The following SLIT3 variants were observed in gnomAD, a reference collection of about 807,000 sequenced individuals.
SLIT3 encodes the protein slit guidance ligand 3.
Under a neutral mutation model 184.0 loss-of-function variants are expected in SLIT3, and 68 were observed. The ratio of observed to expected loss-of-function variants is 0.37; its 90% CI spans 0.30 to 0.45. The LOEUF (loss-of-function observed/expected upper bound fraction) is 0.45, where lower values mean the gene tolerates loss of function less well. Ranked by LOEUF, SLIT3 falls within the 20% of genes least tolerant of loss-of-function variation. The pLI is 1.00. For synonymous variants in SLIT3, 831 were observed against 828.6 expected (o/e 1.00, Z -0.05); for missense variants, 1,707 against 2,026.0 (o/e 0.84, Z 3.02).
At chr5:168,822,154 T>C (rs368743989) in intron 7 of SLIT3, among the ~76,000 whole-genome samples, 1 of 152,206 alleles carries the variant, frequency 6.6e-6, no homozygotes, top group Non-Finnish European at 1.5e-5. Context: ...GTGGAAGCTC[T>C]GCTCTAAGGA....
chr5:169,039,622 T>A (rs1262934817), intron 4 of SLIT3, among the ~76,000 whole-genome samples: 1 of 151,984 alleles, frequency 6.6e-6, no homozygotes, highest in Non-Finnish European at 1.5e-5. Context: ...CGGCCAGGAG[T>A]TAAGTTCTTT....
chr5:168,767,312 G>T (rs141094930), intron 14 of SLIT3, among the ~76,000 whole-genome samples: 1 of 152,226 alleles, frequency 6.6e-6, no homozygotes, highest in African/African-American at 2.4e-5. Context: ...GCTCTCTCTT[G>T]CAGAATAGGA....
chr5:169,116,643 G>A (rs10053670), intron 4 of SLIT3, among the ~76,000 whole-genome samples: 5,684 of 152,266 alleles, frequency 0.037, 136 homozygotes, highest in Middle Eastern at 0.085. Context: ...GATAGTCCAT[G>A]CACATGATCC....
chr5:168,838,297 G>A lies in SLIT3; in HGVS notation c.557+6287C>T, dbSNP rs149838987. On this transcript the variant is annotated intron_variant, in intron 6 of 35. Transcript: ENST00000519560. The stretch of plus-strand genomic sequence containing the variant: ...CAACTTTTCTAAGCATCAGTTTCCT[G>A]ACTGGTGAAATGCAGTTCCTAGGAT... Among the ~76,000 whole-genome samples the A allele has an allele frequency of 1.7e-3, 254 of 152,234 alleles. 1 individual carries two copies. Among genetic ancestry groups the A allele is most frequent in the African/African-American group, 5.4e-3 (223 of 41,538 alleles).
At chr5:169,163,980 G>C (rs1050861056) in intron 4 of SLIT3, among the ~76,000 whole-genome samples, 4 of 152,166 alleles carry the variant, frequency 2.6e-5, no homozygotes, top group Non-Finnish European at 5.9e-5. Flanking sequence ...AGTGCAAAGG[G>C]GAGACCATGA....
intron 3 of SLIT3, among the ~76,000 whole-genome samples, chr5:169,226,250 G>A (rs1053660784): frequency 6.6e-6 from 1 of 152,120 alleles, no homozygotes; most frequent in Non-Finnish European, 1.5e-5. Context: ...AGAGGAGTAG[G>A]GGGGCAAAGC....
intron 4 of SLIT3, among the ~76,000 whole-genome samples, chr5:168,986,280 A>G (rs936497846): frequency 1.3e-5 from 2 of 152,192 alleles, no homozygotes; most frequent in Non-Finnish European, 2.9e-5. Flanking sequence ...AATGGAGGCC[A>G]AAAGGGGAGA....
chr5:168,788,481 A>C (rs1266900928), intron 11 of SLIT3, among the ~76,000 whole-genome samples: 1 of 152,210 alleles, frequency 6.6e-6, no homozygotes, highest in African/African-American at 2.4e-5. Context: ...AGACTGATCA[A>C]GAGTGTGGGT....
At chr5:169,243,971 G>A in intron 3 of SLIT3, among the ~76,000 whole-genome samples, 1 of 152,226 alleles carries the variant, frequency 6.6e-6, no homozygotes, top group East Asian at 1.9e-4. Flanking sequence ...ATTAACAGAA[G>A]AAAGGTGAAG....
At chr5:169,006,609 A>T (rs868470991) in intron 4 of SLIT3, among the ~76,000 whole-genome samples, 2,399 of 126,104 alleles carry the variant, frequency 0.019, 59 homozygotes, top group African/African-American at 0.069. Flanking sequence ...TCTCTCTCAC[A>T]CACACACACA....
intron 4 of SLIT3, among the ~76,000 whole-genome samples, chr5:169,167,708 G>C (rs10065297): frequency 0.072 from 11,006 of 152,146 alleles, 1,346 homozygotes; most frequent in African/African-American, 0.25. Flanking sequence ...AAGGAGCAGA[G>C]GGTGGCAACC....
chr5:168,812,800 T>C (rs796450946), intron 8 of SLIT3, among the ~76,000 whole-genome samples: 1 of 152,290 alleles, frequency 6.6e-6, no homozygotes, highest in African/African-American at 2.4e-5. Flanking sequence ...TGTCCAATTA[T>C]GGTGTTTTAA....
At chr5:169,026,135 G>A (rs1161590501) in intron 4 of SLIT3, among the ~76,000 whole-genome samples, 1 of 152,160 alleles carries the variant, frequency 6.6e-6, no homozygotes, top group Admixed American at 6.5e-5. Flanking sequence ...TGACTCCCTG[G>A]CAGAGACTGT....
intron 3 of SLIT3, among the ~76,000 whole-genome samples, chr5:169,215,402 T>C (rs1189036443): frequency 6.6e-6 from 1 of 152,248 alleles, no homozygotes; most frequent in Non-Finnish European, 1.5e-5. Flanking sequence ...ATTATTTTAC[T>C]ATAATTTTCT....
At chr5:168,892,591 T>C (rs1581185171) in intron 4 of SLIT3, among the ~76,000 whole-genome samples, 1 of 152,326 alleles carries the variant, frequency 6.6e-6, no homozygotes, top group East Asian at 1.9e-4. Context: ...TTTAGAATAT[T>C]CCATTCATTC....
At chr5:168,681,510 C>T (rs1046847537) in intron 32 of SLIT3, among the ~76,000 whole-genome samples, 1 of 152,234 alleles carries the variant, frequency 6.6e-6, no homozygotes, top group Non-Finnish European at 1.5e-5. Context: ...GTTACAGGCT[C>T]AGCATGAAGA....
intron 12 of SLIT3, among the ~76,000 whole-genome samples, chr5:168,779,120 T>C (rs908203144): frequency 2.6e-5 from 4 of 152,198 alleles, no homozygotes; most frequent in Non-Finnish European, 2.9e-5. Flanking sequence ...TAATCTCCCT[T>C]TGACAGGTGA....
chr5:169,129,737 G>A (rs1054325402), intron 4 of SLIT3, among the ~76,000 whole-genome samples: 5 of 152,126 alleles, frequency 3.3e-5, no homozygotes, highest in Admixed American at 1.3e-4. Flanking sequence ...AAAGAGAAGA[G>A]GATATTAATG....
intron 4 of SLIT3, among the ~76,000 whole-genome samples, chr5:169,109,113 G>A (rs1043011278): frequency 2.0e-5 from 3 of 152,198 alleles, no homozygotes; most frequent in African/African-American, 7.2e-5. Flanking sequence ...TATAGCAAAG[G>A]CAGTAGGAGG....
Sources: allele counts gnomAD v4.1 joint callset (sites outside exome capture counted in the v4.1 genomes callset), GRCh38; gene constraint gnomAD v4.1.1; transcripts MANE v1.5; gene names NCBI Gene and HGNC (gene_info 2026-07-23, HGNC 2026-07-21).